Variants in RNLS observed in about 807,000 individuals in gnomAD.
RNLS encodes the protein renalase.
RNLS carries 39 observed loss-of-function variants against 39.8 expected under a neutral mutation model. That is an observed-to-expected ratio of 0.98 (90% CI 0.76 to 1.28). RNLS has a LOEUF of 1.28. Ranked by LOEUF, RNLS falls within the 50% of genes most tolerant of loss-of-function variation. The pLI, the probability that RNLS is intolerant of heterozygous loss-of-function variation, is 0.00. For missense variants in RNLS, 410 were observed against 413.3 expected, an observed-to-expected ratio of 0.99 and a Z score of 0.07; for synonymous variants, 147 against 150.7, an observed-to-expected ratio of 0.98 and a Z score of 0.18.
rs61477690 is a variant in RNLS at position 88,581,294 on chromosome 10, G to GTATATATATATA, written c.367+261_367+272dup. 5.2e-3 allele frequency among the ~76,000 whole-genome samples: 671 copies of GTATATATATATA among 129,812 alleles called. 9 individuals carry two copies. The highest frequency in any genetic ancestry group is 0.016 in the African/African-American group (522 of 33,588). The allele number at this position is 129,812 out of a possible 152,430, so 85.2% of individuals were successfully genotyped here. A position where few individuals can be genotyped will look rare whatever the true frequency, so the allele number is the denominator to read the frequency against. On this transcript the variant is annotated intron_variant, in intron 3 of 6. Coordinates refer to ENST00000331772, the MANE Select transcript of RNLS (RefSeq NM_001031709.3). ...AATATATATGTATGTGTGTGTGTGT[G>GTATATATATATA]TATATATATATATATATATATACAT... is the stretch of plus-strand genomic sequence containing the variant.
At chr10:88,428,750 T>C (rs1378938255) in intron 4 of RNLS, among the ~76,000 whole-genome samples, 1 of 151,978 alleles carries the variant, frequency 6.6e-6, no homozygotes, top group Non-Finnish European at 1.5e-5. Context: ...TTAGACAACA[T>C]CAGAGGAATA....
chr10:88,581,577 C>T lies in RNLS; in HGVS notation c.357G>A (p.Leu119=). Residue 119 remains leucine (L), a synonymous_variant, in exon 3 of 7, where the codon TTG becomes TTA. Transcript: ENST00000331772. The part of the protein sequence containing the change: ...QGISSIIKHY[L]KESGAEVYFR... ...AAATCTTACTCCCACCTGATTCTTT[C>T]AAGTAATGCTTAATAATTGAAGAAA... The T allele has an allele frequency of 6.3e-7, 1 of 1,592,098 alleles. No individual in the cohort carries two copies. Among genetic ancestry groups the T allele is most frequent in the South Asian group, 1.2e-5 (1 of 86,132 alleles).
At chr10:88,256,869 A>G in the RNLS span, among the ~76,000 whole-genome samples, 2 of 152,182 alleles carry the variant, frequency 1.3e-5, no homozygotes, top group Non-Finnish European at 2.9e-5. Flanking sequence ...CTCCTCTGAC[A>G]TCTCGAATAG....
the RNLS span, among the ~76,000 whole-genome samples, chr10:88,172,275 A>G: frequency 1.3e-5 from 2 of 152,146 alleles, no homozygotes; most frequent in Non-Finnish European, 2.9e-5. Flanking sequence ...GGCTGTACTA[A>G]TTTATATTCA....
intron 6 of RNLS, among the ~76,000 whole-genome samples, chr10:88,275,719 A>T (rs774270214): frequency 3.3e-5 from 5 of 152,214 alleles, no homozygotes; most frequent in African/African-American, 4.8e-5. Context: ...ATACATACAT[A>T]TGGTATCAAA....
chr10:88,408,345 G>A (rs758890215), intron 4 of RNLS, among the ~76,000 whole-genome samples: 5 of 151,988 alleles, frequency 3.3e-5, no homozygotes, highest in Middle Eastern at 3.4e-3. Flanking sequence ...CTGAATGTTG[G>A]TGTTCCTCCA....
intron 6 of RNLS, among the ~76,000 whole-genome samples, chr10:88,286,905 C>T (rs1843312588): frequency 6.6e-6 from 1 of 151,632 alleles, no homozygotes; most frequent in South Asian, 2.1e-4. Flanking sequence ...GATTCTCCTG[C>T]CTTAGCTTCC....
intron 6 of RNLS, 63 bp downstream of exon 6, chr10:88,314,403 A>C: frequency 6.6e-7 from 1 of 1,516,948 alleles, no homozygotes; most frequent in Non-Finnish European, 9.0e-7. Flanking sequence ...TAAAGAAGTA[A>C]CATCAGTTCT....
the RNLS span, among the ~76,000 whole-genome samples, chr10:88,177,534 A>G: frequency 6.6e-6 from 1 of 152,104 alleles, no homozygotes; most frequent in Non-Finnish European, 1.5e-5. Flanking sequence ...ATCTCACTGA[A>G]TTTCCTTAAG....
chr10:88,359,429 A>G (rs1849465119), intron 5 of RNLS, among the ~76,000 whole-genome samples: 1 of 152,262 alleles, frequency 6.6e-6, no homozygotes, highest in South Asian at 2.1e-4. Context: ...AGACCCATTT[A>G]GTACCCTGGC....
chr10:88,496,066 G>A (rs966377729), intron 4 of RNLS, among the ~76,000 whole-genome samples: 4 of 152,100 alleles, frequency 2.6e-5, no homozygotes, highest in Non-Finnish European at 5.9e-5. Context: ...AGAAGGCAAA[G>A]GGGACAGAAG....
At chr10:88,341,944 C>T (rs988428068) in intron 5 of RNLS, among the ~76,000 whole-genome samples, 1 of 152,086 alleles carries the variant, frequency 6.6e-6, no homozygotes, top group Non-Finnish European at 1.5e-5. Flanking sequence ...TTTCTACTCA[C>T]CACATATTCT....
downstream of RNLS, among the ~76,000 whole-genome samples, chr10:88,282,921 C>T (rs939858566): frequency 6.6e-6 from 1 of 152,160 alleles, no homozygotes; most frequent in Admixed American, 6.5e-5. Context: ...CTGCTCAAGC[C>T]GTTTCTCACT....
intron 4 of RNLS, among the ~76,000 whole-genome samples, chr10:88,540,191 C>T (rs866212864): frequency 2.6e-5 from 4 of 152,212 alleles, no homozygotes; most frequent in Middle Eastern, 3.4e-3. Flanking sequence ...TACAAGATCA[C>T]GTATTCCTCC....
At chr10:88,474,988 G>C (rs2576180) in intron 4 of RNLS, among the ~76,000 whole-genome samples, 74,370 of 151,860 alleles carry the variant, frequency 0.49, 18,990 homozygotes, top group Middle Eastern at 0.58. Context: ...AGCTCCCCCC[G>C]GCAACAAGAT....
In RNLS at chr10:88,360,636, T is replaced by G. The variant is rs543042819; in HGVS notation, c.700+1916A>C. On this transcript the variant is annotated intron_variant, in intron 5 of 6. Coordinates refer to ENST00000331772, the MANE Select transcript of RNLS (RefSeq NM_001031709.3). ...TATTTTTAGTAGAGATAGGGTTTCA[T>G]TACATTGGCCAGTCTGGTCTTGAAC... 5.9e-5 allele frequency among the ~76,000 whole-genome samples: 9 copies of G among 152,118 alleles called. No individual in the cohort carries two copies. The South Asian group carries it at 8.3e-4, about 14-fold the overall frequency.
At chr10:88,521,026 C>A (rs926906804) in intron 4 of RNLS, among the ~76,000 whole-genome samples, 1 of 151,948 alleles carries the variant, frequency 6.6e-6, no homozygotes, top group East Asian at 1.9e-4. Context: ...TTTCTTCCAT[C>A]CAGTCATCTT....
downstream of RNLS, among the ~76,000 whole-genome samples, chr10:88,269,427 T>C (rs1384383147): frequency 6.6e-6 from 1 of 152,202 alleles, no homozygotes; most frequent in African/African-American, 2.4e-5. Flanking sequence ...TTTCACTGCT[T>C]GCTTGATGCT....
At chr10:88,232,354 C>T in the RNLS span, among the ~76,000 whole-genome samples, 1 of 152,142 alleles carries the variant, frequency 6.6e-6, no homozygotes, top group South Asian at 2.1e-4. Context: ...GCCACTACAC[C>T]CACACCCACA....
Sources: gnomAD v4.1 joint callset for allele counts (sites outside exome capture counted in the v4.1 genomes callset) on GRCh38, gnomAD v4.1.1 for gene constraint, MANE v1.5 for transcripts, NCBI Gene and HGNC (gene_info 2026-07-23, HGNC 2026-07-21) for gene names.